Variants in RPTOR observed in about 807,000 individuals in gnomAD.
The protein encoded by RPTOR is regulatory associated protein of MTOR complex 1, also known as regulatory-associated protein of mTOR.
RPTOR carries 21 observed loss-of-function variants against 169.9 expected under a neutral mutation model. The ratio of observed to expected loss-of-function variants is 0.12; its 90% CI spans 0.09 to 0.18. The LOEUF (loss-of-function observed/expected upper bound fraction) is 0.18. RPTOR is among the 10% of genes least tolerant of loss of function. The pLI, the probability that RPTOR is intolerant of heterozygous loss-of-function variation, is 1.00. For synonymous variants in RPTOR, 732 were observed against 753.2 expected, an observed-to-expected ratio of 0.97 and a Z score of 0.46; for missense variants, 1,133 against 1,855.9, an observed-to-expected ratio of 0.61 and a Z score of 7.16.
chr17:80,594,318 T>C (rs747438236), intron 1 of RPTOR, among the ~76,000 whole-genome samples: 6 of 152,168 alleles, frequency 3.9e-5, no homozygotes, highest in Non-Finnish European at 8.8e-5. Context: ...GGTCTTGAAT[T>C]CCTGACCTCA....
rs892211914 is a variant in RPTOR at position 80,545,100 on chromosome 17, A to T, written c.-530A>T. On this transcript the variant is annotated 5_prime_UTR_variant, in exon 1 of 34. Coordinates refer to ENST00000306801, the MANE Select transcript of RPTOR (RefSeq NM_020761.3). Reference sequence around the variant, plus strand: ...ATGGGCCGGTCGTGGCTCTGGTTGCAGCAGCTCAGACGAGTGCGGGACCCG... The same window carrying T: ...ATGGGCCGGTCGTGGCTCTGGTTGCTGCAGCTCAGACGAGTGCGGGACCCG... 6.8e-5 allele frequency: 16 copies of T among 233,770 alleles called. No homozygotes were observed. The highest frequency in any genetic ancestry group is 2.5e-5 in the Non-Finnish European group (3 of 118,216). 14.5% of individuals were successfully genotyped at this position (233,770 alleles called of 1,614,324 possible). A position where few individuals can be genotyped will look rare whatever the true frequency, so the allele number is the denominator to read the frequency against.
At chr17:80,689,319 A>G (rs1444709846) in intron 3 of RPTOR, among the ~76,000 whole-genome samples, 1 of 152,252 alleles carries the variant, frequency 6.6e-6, no homozygotes, top group Non-Finnish European at 1.5e-5. Flanking sequence ...ATGTACTCAC[A>G]GAAACCATGC....
intron 3 of RPTOR, among the ~76,000 whole-genome samples, chr17:80,694,409 C>A (rs570185106): frequency 6.6e-6 from 1 of 152,338 alleles, no homozygotes; most frequent in East Asian, 1.9e-4. Flanking sequence ...CTGTGCATTG[C>A]GTTGGTCGGC....
chr17:80,732,050 C>CT (rs2066397371), intron 5 of RPTOR, among the ~76,000 whole-genome samples: 1 of 152,232 alleles, frequency 6.6e-6, no homozygotes, highest in African/African-American at 2.4e-5. Flanking sequence ...TTTTCCCTTG[C>CT]TTTCAGGCAT....
intron 3 of RPTOR, among the ~76,000 whole-genome samples, chr17:80,705,657 TC>T: frequency 6.6e-6 from 1 of 152,274 alleles, no homozygotes; most frequent in East Asian, 1.9e-4. Context: ...CACATCTAAT[TC>T]TTTTTCTCTG....
chr17:80,886,605 T>C (rs2068249280), intron 17 of RPTOR, among the ~76,000 whole-genome samples: 1 of 152,254 alleles, frequency 6.6e-6, no homozygotes, highest in African/African-American at 2.4e-5. Context: ...GGACGTTAGC[T>C]GTGAGGCGTT....
chr17:80,875,881 C>T (rs1183503786), intron 13 of RPTOR, among the ~76,000 whole-genome samples: 2 of 136,372 alleles, frequency 1.5e-5, no homozygotes, highest in Non-Finnish European at 1.6e-5. Context: ...GCCCGTGCCA[C>T]GCAGGGTGTG....
At chr17:80,739,737 AT>A (rs2066466729) in intron 5 of RPTOR, among the ~76,000 whole-genome samples, 1 of 152,246 alleles carries the variant, frequency 6.6e-6, no homozygotes, top group South Asian at 2.1e-4. Flanking sequence ...TTAAAAAAAA[AT>A]ACATAGAGTT....
chr17:80,615,958 G>A (rs1038839098), intron 1 of RPTOR, among the ~76,000 whole-genome samples: 2 of 152,032 alleles, frequency 1.3e-5, no homozygotes, highest in Non-Finnish European at 2.9e-5. Context: ...CATGAGATGC[G>A]TTGGCCCAAG....
chr17:80,876,098 C>T (rs141658936), intron 13 of RPTOR, among the ~76,000 whole-genome samples: 1,327 of 80,186 alleles, frequency 0.017, 73 homozygotes, highest in East Asian at 0.026. Context: ...TGTCACCTGC[C>T]GGGTCTTCCA....
At position 80,883,504 on chromosome 17, in the gene RPTOR, C is replaced by A; in HGVS notation, c.1650+20C>A. On this transcript the variant is annotated intron_variant, in intron 15 of 33. Coordinates refer to ENST00000306801, the MANE Select transcript of RPTOR (RefSeq NM_020761.3). ...GGGCAGGTGAGCCCCCCAGCCACCC[C>A]CAGCCCCAGAGCTCACCCTTGGCAT... The A allele has an allele frequency of 6.2e-7, 1 of 1,612,622 alleles. No homozygotes were observed. The highest frequency in any genetic ancestry group is 8.5e-7 in the Non-Finnish European group (1 of 1,178,802).
At chr17:80,626,925 A>C (rs2065400209) in intron 2 of RPTOR, among the ~76,000 whole-genome samples, 1 of 151,666 alleles carries the variant, frequency 6.6e-6, no homozygotes, top group African/African-American at 2.4e-5. Flanking sequence ...CCAAACAGAA[A>C]CTCTGTCTCC....
intron 28 of RPTOR, among the ~76,000 whole-genome samples, chr17:80,950,822 GA>G (rs1256608872): frequency 6.6e-6 from 1 of 152,236 alleles, no homozygotes; most frequent in Non-Finnish European, 1.5e-5. Flanking sequence ...TGCTAGAGAG[GA>G]AAGATCACTG....
At chr17:80,603,054 G>T (rs1015772994) in intron 1 of RPTOR, 9 of 182,894 alleles carry the variant, frequency 4.9e-5, no homozygotes, top group Non-Finnish European at 1.0e-4. Context: ...TTTCTGATGA[G>T]TGGTGGAAAG....
chr17:80,833,687 T>C (rs1221711050), intron 9 of RPTOR, among the ~76,000 whole-genome samples: 1 of 152,236 alleles, frequency 6.6e-6, no homozygotes, highest in Non-Finnish European at 1.5e-5. Flanking sequence ...GTTGTTCTGC[T>C]GTTTAAAAGG....
intron 6 of RPTOR, among the ~76,000 whole-genome samples, chr17:80,761,488 T>C (rs1000354137): frequency 1.3e-5 from 2 of 152,042 alleles, no homozygotes; most frequent in Admixed American, 6.5e-5. Flanking sequence ...GGAAGATGCA[T>C]GGGTTTCCTG....
At chr17:80,693,992 G>A (rs2143749428) in intron 3 of RPTOR, among the ~76,000 whole-genome samples, 1 of 152,378 alleles carries the variant, frequency 6.6e-6, no homozygotes, top group Non-Finnish European at 1.5e-5. Flanking sequence ...GGTCTGAACG[G>A]AGAGGGACAT....
At chr17:80,750,799 C>T (rs2066622973) in intron 5 of RPTOR, among the ~76,000 whole-genome samples, 1 of 152,074 alleles carries the variant, frequency 6.6e-6, no homozygotes, top group Non-Finnish European at 1.5e-5. Flanking sequence ...TTTAAAAAAA[C>T]CCACTCCTTG....
chr17:80,851,635 C>T (rs571904033), intron 11 of RPTOR, among the ~76,000 whole-genome samples: 25 of 152,368 alleles, frequency 1.6e-4, no homozygotes, highest in African/African-American at 5.8e-4. Context: ...GGTGGGCCCC[C>T]GAGGCCCCCG....
Sources: gnomAD v4.1 joint callset for allele counts (sites outside exome capture counted in the v4.1 genomes callset) on GRCh38, gnomAD v4.1.1 for gene constraint, MANE v1.5 for transcripts, NCBI Gene and HGNC (gene_info 2026-07-23, HGNC 2026-07-21) for gene names.